DLG2: variants seen among roughly 807,000 people sequenced by gnomAD.
DLG2 encodes disks large homolog 2.
A neutral mutation model predicts 132.5 loss-of-function variants in DLG2; 45 were observed. That is an observed-to-expected ratio of 0.34 (90% CI 0.27 to 0.44). The LOEUF (loss-of-function observed/expected upper bound fraction) is 0.44. DLG2 is among the 20% of genes least tolerant of loss of function. The pLI, the probability that DLG2 is intolerant of heterozygous loss-of-function variation, is 1.00. For missense variants in DLG2, 1,045 were observed against 1,196.9 expected (o/e 0.87, Z 1.87); for synonymous variants, 424 against 419.6 (o/e 1.01, Z -0.13).
intron 3 of DLG2, among the ~76,000 whole-genome samples, chr11:85,485,249 G>A (rs1344518801): frequency 1.3e-5 from 2 of 152,102 alleles, no homozygotes; most frequent in African/African-American, 2.4e-5. Context: ...TATACCTAAT[G>A]CTAGATGACG....
intron 6 of DLG2, among the ~76,000 whole-genome samples, chr11:84,736,831 G>C (rs887522562): frequency 1.3e-5 from 2 of 151,878 alleles, no homozygotes; most frequent in East Asian, 3.8e-4. Flanking sequence ...ACAAAAATGA[G>C]TTTTACATCT....
At chr11:84,516,564 A>T (rs1591364533) in intron 7 of DLG2, among the ~76,000 whole-genome samples, 1 of 151,632 alleles carries the variant, frequency 6.6e-6, no homozygotes, top group Admixed American at 6.6e-5. Context: ...AGATTGAATC[A>T]GTATAAAGTC....
At chr11:84,780,997 C>CAAAAAAAAAAAA (rs372443245) in intron 6 of DLG2, among the ~76,000 whole-genome samples, 1 of 93,958 alleles carries the variant, frequency 1.1e-5, no homozygotes, top group African/African-American at 3.9e-5. Context: ...CAGGATTGTA[C>CAAAAAAAAAAAA]AAAAAAAAAA....
chr11:84,596,190 GTCTCTCTC>G (rs59824224), intron 6 of DLG2, among the ~76,000 whole-genome samples: 13 of 144,826 alleles, frequency 9.0e-5, no homozygotes, highest in Admixed American at 2.8e-4. Flanking sequence ...TCTTTTCTCT[GTCTCTCTC>G]TCTCTCTCTC....
chr11:83,682,124 A>G, intron 18 of DLG2: 2 of 985,362 alleles, frequency 2.0e-6, no homozygotes, highest in Non-Finnish European at 2.4e-6. Context: ...AGCTTATTCA[A>G]CAACAACGAT....
chr11:83,881,183 G>T (rs1022091057), intron 15 of DLG2, among the ~76,000 whole-genome samples: 2 of 152,116 alleles, frequency 1.3e-5, no homozygotes, highest in Non-Finnish European at 2.9e-5. Flanking sequence ...TTCTCCATTT[G>T]GATCCCATAC....
chr11:83,980,027 CTCT>C (rs1196853618), intron 12 of DLG2, among the ~76,000 whole-genome samples: 1 of 152,150 alleles, frequency 6.6e-6, no homozygotes, highest in Admixed American at 6.6e-5. Context: ...AATCTGCTGT[CTCT>C]TCTTTTCAAT....
intron 7 of DLG2, among the ~76,000 whole-genome samples, chr11:84,281,291 T>G (rs2097851902): frequency 1.3e-5 from 2 of 151,992 alleles, no homozygotes; most frequent in Non-Finnish European, 2.9e-5. Flanking sequence ...AACTGATAAA[T>G]CAGACATCAT....
chr11:85,192,268 C>A (rs2080650311), intron 4 of DLG2, among the ~76,000 whole-genome samples: 1 of 152,166 alleles, frequency 6.6e-6, no homozygotes, highest in Non-Finnish European at 1.5e-5. Flanking sequence ...GTATTGAGTT[C>A]AGTACATACT....
intron 7 of DLG2, among the ~76,000 whole-genome samples, chr11:84,398,344 G>C (rs1348802319): frequency 6.6e-6 from 1 of 152,090 alleles, no homozygotes; most frequent in African/African-American, 2.4e-5. Flanking sequence ...AGAAACAGGA[G>C]AAAGAGAAGA....
At chr11:84,516,305 A>T (rs1364483255) in intron 7 of DLG2, among the ~76,000 whole-genome samples, 2 of 151,446 alleles carry the variant, frequency 1.3e-5, no homozygotes, top group African/African-American at 4.8e-5. Flanking sequence ...TTTGAAAAAA[A>T]TATATAAAAT....
chr11:85,006,067 A>C (rs1328230748), intron 6 of DLG2, among the ~76,000 whole-genome samples: 1 of 152,132 alleles, frequency 6.6e-6, no homozygotes, highest in Non-Finnish European at 1.5e-5. Flanking sequence ...CATCCCAGGG[A>C]TGAAGCCAAC....
At chr11:84,221,242 G>A (rs553036412) in intron 8 of DLG2, among the ~76,000 whole-genome samples, 1 of 151,970 alleles carries the variant, frequency 6.6e-6, no homozygotes, top group Admixed American at 6.6e-5. Context: ...AAGGTGGGTG[G>A]ATCATGAGGT....
chr11:85,218,228 A>G (rs1243765943), intron 4 of DLG2, among the ~76,000 whole-genome samples: 1 of 152,244 alleles, frequency 6.6e-6, no homozygotes, highest in Non-Finnish European at 1.5e-5. Context: ...GGTTCTGCAC[A>G]GCAAAATAAA....
Position 83,465,250 on chromosome 11 carries a change from T to A in DLG2, c.2729+1458A>T, listed in dbSNP as rs141253002. 3.7e-3 allele frequency among the ~76,000 whole-genome samples: 559 copies of A among 152,264 alleles called. 3 individuals carry two copies. The highest frequency in any genetic ancestry group is 9.1e-3 in the African/African-American group (377 of 41,542). On this transcript the variant is annotated intron_variant, in intron 26 of 27. Transcript: ENST00000376104. The stretch of plus-strand genomic sequence containing the variant: ...ATGGGACTATATTCTGCTTTCAAGG[T>A]ACATCTCTGGCTATTTCCCCAGAGC...
chr11:84,736,924 C>G (rs1596936645), intron 6 of DLG2, among the ~76,000 whole-genome samples: 2 of 151,954 alleles, frequency 1.3e-5, no homozygotes, highest in Admixed American at 1.3e-4. Flanking sequence ...AGTGGATATC[C>G]CTGTTCCTGA....
chr11:84,356,361 C>T (rs938188630), intron 7 of DLG2, among the ~76,000 whole-genome samples: 1 of 152,054 alleles, frequency 6.6e-6, no homozygotes, highest in Non-Finnish European at 1.5e-5. Flanking sequence ...AATCACGAAG[C>T]TTATATGCTA....
At chr11:83,667,992 A>AG (rs1293571844) in intron 18 of DLG2, among the ~76,000 whole-genome samples, 6 of 146,858 alleles carry the variant, frequency 4.1e-5, no homozygotes, top group Non-Finnish European at 9.0e-5. Flanking sequence ...AAAAAAAAAA[A>AG]AAAAAGAAAT....
intron 3 of DLG2, among the ~76,000 whole-genome samples, chr11:85,462,365 G>C (rs900762057): frequency 1.6e-4 from 25 of 152,138 alleles, no homozygotes; most frequent in Non-Finnish European, 2.9e-4. Context: ...TGTTTATTGT[G>C]GCACTATTCA....
Sources: allele counts gnomAD v4.1 joint callset (sites outside exome capture counted in the v4.1 genomes callset), GRCh38; gene constraint gnomAD v4.1.1; transcripts MANE v1.5; gene names NCBI Gene and HGNC (gene_info 2026-07-23, HGNC 2026-07-21).